TSHZ3: variants seen among roughly 807,000 people sequenced by gnomAD.
TSHZ3 encodes the protein teashirt zinc finger homeobox 3, also known as teashirt homolog 3.
In TSHZ3, 10 loss-of-function variants were observed where a neutral mutation model predicts 64.5. The observed-to-expected ratio is 0.16, with a 90% CI of 0.10 to 0.26. The LOEUF is 0.26. Ranked by LOEUF, TSHZ3 falls within the 10% of genes least tolerant of loss-of-function variation. TSHZ3 has a pLI of 1.00. For missense variants in TSHZ3, 1,242 were observed against 1,421.7 expected, an observed-to-expected ratio of 0.87 and a Z score of 2.03; for synonymous variants, 608 against 593.1, an observed-to-expected ratio of 1.03 and a Z score of -0.36.
intron 5 of TSHZ3, among the ~76,000 whole-genome samples, chr19:31,168,231 T>C (rs557104979): frequency 6.6e-6 from 1 of 152,312 alleles, no homozygotes; most frequent in East Asian, 1.9e-4. Flanking sequence ...CTTGCGTGGT[T>C]GATAATACAG....
At chr19:31,200,682 G>A in intron 5 of TSHZ3, among the ~76,000 whole-genome samples, 1 of 152,192 alleles carries the variant, frequency 6.6e-6, no homozygotes, top group Non-Finnish European at 1.5e-5. Flanking sequence ...TAAATCTATA[G>A]AACACGCAAT....
At chr19:31,162,442 C>T (rs544926980) in intron 5 of TSHZ3, among the ~76,000 whole-genome samples, 61 of 152,126 alleles carry the variant, frequency 4.0e-4, no homozygotes, top group Middle Eastern at 6.8e-3. Context: ...TTTCCTGGCC[C>T]GCCCAAATTT....
At chr19:31,349,457 C>T (rs1156764892), upstream of TSHZ3, 1 of 307,968 alleles carries the variant, frequency 3.2e-6, no homozygotes. Flanking sequence ...GAGGGAGGCT[C>T]GGGGAGGGAG....
At position 31,278,428 on chromosome 19, in the gene TSHZ3, G is replaced by C. The variant is rs902760016; in HGVS notation, c.1365C>G (p.Pro455=). 1 of 1,614,154 alleles carries C rather than the reference G, an allele frequency of 6.2e-7. No individual in the cohort carries two copies. The highest frequency in any genetic ancestry group is 8.5e-7 in the Non-Finnish European group (1 of 1,180,038). ...VPLAATTFTS[P]SNTPASISPK... ...GGGAGATGCTGGCAGGTGTATTGGA[G>C]GGGGACGTGAAGGTGGTGGCTGCCA... The change falls in exon 2 of 2, where the codon CCC becomes CCG. Residue 455 remains proline (P), a synonymous_variant. Transcript: ENST00000240587. The surrounding 1 kb of genome is among the most constrained non-coding windows in gnomAD (Gnocchi z 4.7).
chr19:31,271,713 C>A (rs1976141800), downstream of TSHZ3, among the ~76,000 whole-genome samples: 1 of 152,170 alleles, frequency 6.6e-6, no homozygotes, highest in Non-Finnish European at 1.5e-5. Context: ...CACAGGGTCC[C>A]AGGGGGAAAT....
chr19:31,320,972 G>A (rs1028819364), intron 1 of TSHZ3, among the ~76,000 whole-genome samples: 7 of 152,156 alleles, frequency 4.6e-5, no homozygotes, highest in East Asian at 1.9e-4. Flanking sequence ...CAGGTCATCC[G>A]GCCCAGAGCC....
intron 5 of TSHZ3, among the ~76,000 whole-genome samples, chr19:31,161,668 C>A (rs575831827): frequency 6.6e-6 from 1 of 152,318 alleles, no homozygotes; most frequent in South Asian, 2.1e-4. Context: ...GGGCCACCTC[C>A]TGGGCCCTGA....
chr19:31,232,343 T>C (rs1431509471), intron 3 of TSHZ3, among the ~76,000 whole-genome samples: 1 of 151,992 alleles, frequency 6.6e-6, no homozygotes, highest in Non-Finnish European at 1.5e-5. Context: ...CAAGCAGTGA[T>C]CTGACAAATA....
chr19:31,313,385 T>C (rs1047286704), intron 1 of TSHZ3, among the ~76,000 whole-genome samples: 3 of 152,234 alleles, frequency 2.0e-5, no homozygotes, highest in African/African-American at 7.2e-5. Flanking sequence ...CTTTGAACGA[T>C]GGCCCCCATG....
chr19:31,348,668 C>T (rs908870470), intron 1 of TSHZ3, among the ~76,000 whole-genome samples: 8 of 152,170 alleles, frequency 5.3e-5, no homozygotes, highest in African/African-American at 1.7e-4. Context: ...CTCCGGGTTC[C>T]ACCGCTGTGC....
At chr19:31,213,391 A>AAAAAAAAAC in intron 4 of TSHZ3, among the ~76,000 whole-genome samples, 1 of 145,378 alleles carries the variant, frequency 6.9e-6, no homozygotes, top group Non-Finnish European at 1.5e-5. Context: ...AAAAAAAAAA[A>AAAAAAAAAC]TCAGTGGTGT....
intron 1 of TSHZ3, among the ~76,000 whole-genome samples, chr19:31,317,139 C>T (rs1374352011): frequency 1.3e-5 from 2 of 152,126 alleles, no homozygotes; most frequent in Admixed American, 1.3e-4. Context: ...TTTCATCCGT[C>T]AACAAAATCC....
chr19:31,285,299 G>T (rs1301218631), intron 1 of TSHZ3, among the ~76,000 whole-genome samples: 1 of 152,116 alleles, frequency 6.6e-6, no homozygotes, highest in African/African-American at 2.4e-5. Context: ...GGGCAACACA[G>T]CAAGACCTCA....
chr19:31,245,359 T>A (rs1217220930), intron 1 of TSHZ3, among the ~76,000 whole-genome samples: 1 of 151,906 alleles, frequency 6.6e-6, no homozygotes, highest in African/African-American at 2.4e-5. Flanking sequence ...GGAAGGAAAA[T>A]GGCAAAAAAG....
intron 3 of TSHZ3, among the ~76,000 whole-genome samples, chr19:31,230,892 C>T (rs190026479): frequency 1.3e-5 from 2 of 151,212 alleles, no homozygotes; most frequent in East Asian, 2.0e-4. Context: ...TTAGTAGAGA[C>T]GGGGTTTCAC....
chr19:31,198,548 G>A (rs879326264), intron 5 of TSHZ3, among the ~76,000 whole-genome samples: 1 of 151,980 alleles, frequency 6.6e-6, no homozygotes, highest in Admixed American at 6.6e-5. Flanking sequence ...AAGAAGAAAA[G>A]TACTCCTGAT....
At chr19:31,190,965 G>A (rs1490551189) in intron 5 of TSHZ3, among the ~76,000 whole-genome samples, 1 of 152,068 alleles carries the variant, frequency 6.6e-6, no homozygotes, top group African/African-American at 2.4e-5. Context: ...TGTGGTAGAA[G>A]GCCAGTAAAT....
intron 1 of TSHZ3, chr19:31,308,246 G>C (rs905391968): frequency 6.4e-6 from 1 of 155,166 alleles, no homozygotes; most frequent in African/African-American, 2.4e-5. Flanking sequence ...GGCTGTGCTC[G>C]CCAGGCATGA....
At chr19:31,334,561 C>A (rs1296188356) in intron 1 of TSHZ3, among the ~76,000 whole-genome samples, 2 of 152,192 alleles carry the variant, frequency 1.3e-5, no homozygotes, top group Non-Finnish European at 2.9e-5. Context: ...TCAGGCAAAG[C>A]CAGCAGGGTG....
Sources: allele counts gnomAD v4.1 joint callset (sites outside exome capture counted in the v4.1 genomes callset), GRCh38; gene constraint gnomAD v4.1.1; non-coding constraint Gnocchi (gnomAD v3.1); transcripts MANE v1.5; gene names NCBI Gene and HGNC (gene_info 2026-07-23, HGNC 2026-07-21).